Variants in SGK3 observed in about 807,000 individuals in gnomAD.
SGK3 encodes the protein serum/glucocorticoid regulated kinase family member 3, also known as serine/threonine-protein kinase Sgk3.
In SGK3, 47 loss-of-function variants were observed where a neutral mutation model predicts 68.5. The ratio of observed to expected loss-of-function variants is 0.69; its 90% confidence interval spans 0.54 to 0.87. The LOEUF is 0.87. Ranked by LOEUF, SGK3 falls within the 40% of genes least tolerant of loss-of-function variation. The probability of loss-of-function intolerance (pLI) is 0.00; values close to 1 mark genes in which losing one functional copy is unlikely to be tolerated. For missense variants in SGK3, 479 were observed against 575.5 expected, an observed-to-expected ratio of 0.83 and a Z score of 1.72; for synonymous variants, 181 against 189.1, an observed-to-expected ratio of 0.96 and a Z score of 0.35.
Position 66,828,691 on chromosome 8 carries a change from C to T in SGK3, c.455C>T (p.Ser152Phe). Residue 152 changes from serine (S) to phenylalanine (F), a missense_variant, in exon 7 of 17, where the codon TCT (serine) becomes TTT (phenylalanine). By Grantham distance (155) the Ser-to-Phe change is radical (BLOSUM62 -2). Coordinates refer to ENST00000521198, the MANE Select transcript of SGK3 (RefSeq NM_001033578.3). ...TCACAGAACATCAACCTGGGACCGT[C>T]TGGAAATCCTCAGTATGTTTAATTT... ...STSQNINLGP[S>F]GNPHAKPTDF... The T allele has an allele frequency of 6.2e-7, 1 of 1,613,934 alleles. No homozygotes were observed. Among genetic ancestry groups the T allele is most frequent in the Non-Finnish European group, 8.5e-7 (1 of 1,180,010 alleles).
chr8:66,832,371 T>C (rs1809338182), intron 8 of SGK3, among the ~76,000 whole-genome samples: 1 of 152,226 alleles, frequency 6.6e-6, no homozygotes, highest in Non-Finnish European at 1.5e-5. Flanking sequence ...TATTTTGCTA[T>C]ATTTGTAGCT....
In SGK3 at chr8:66,822,457, A is replaced by C. The variant is rs1326233832; in HGVS notation, c.415A>C (p.Lys139Gln). Residue 139 changes from lysine to glutamine, a missense_variant and splice_region_variant, in exon 6 of 17, where the codon AAG becomes CAG. By Grantham distance (53) the Lys-to-Gln change is moderately conservative. Coordinates refer to ENST00000521198, the MANE Select transcript of SGK3 (RefSeq NM_001033578.3). The stretch of plus-strand genomic sequence containing the variant: ...AGATGAGGATGAAAGAAGTTCTCAG[A>C]AGGTAGTAAGAGGAATTGCCTTTCT... ...SEDEDERSSQKLHSTSQNINL... is the reference protein window; with the variant it reads ...SEDEDERSSQQLHSTSQNINL... The C allele has an allele frequency of 1.2e-6, 2 of 1,611,308 alleles. No individual in the cohort carries two copies. The highest frequency in any genetic ancestry group is 3.4e-5 in the Admixed American group (2 of 59,650).
chr8:66,762,497 T>A (rs770948140), intron 1 of SGK3, among the ~76,000 whole-genome samples: 4 of 152,050 alleles, frequency 2.6e-5, no homozygotes, highest in Non-Finnish European at 5.9e-5. Context: ...AGCCTGGCGA[T>A]GGAGTGAGAC....
chr8:66,736,964 GA>G (rs1193360034), intron 1 of SGK3, among the ~76,000 whole-genome samples: 4 of 151,674 alleles, frequency 2.6e-5, no homozygotes, highest in Non-Finnish European at 5.9e-5. Context: ...ATTTAGTAGA[GA>G]AGAGGCCTTG....
intron 10 of SGK3, among the ~76,000 whole-genome samples, chr8:66,839,504 T>G (rs73693619): frequency 6.0e-4 from 6 of 9,942 alleles, no homozygotes; most frequent in South Asian, 3.1e-3. Context: ...TGGAGATATA[T>G]ATATATATAT....
rs78141116 is a variant in SGK3, at chr8:66,785,350, G to A, written c.-121-8266G>A. Among the ~76,000 whole-genome samples, 1,431 of 152,318 alleles carry A rather than the reference G, an allele frequency of 9.4e-3. 21 individuals carry two copies. The highest frequency in any genetic ancestry group is 0.032 in the African/African-American group (1,333 of 41,564). ...GGTTTCTTCTTCATCTGTAAAATGA[G>A]GATAATGATATTTACCTCAGAGGTT... On this transcript the variant is annotated intron_variant, in intron 1 of 16. Coordinates refer to ENST00000521198, the MANE Select transcript of SGK3 (RefSeq NM_001033578.3).
chr8:66,731,808 A>T (rs747092775), intron 1 of SGK3, among the ~76,000 whole-genome samples: 1 of 152,242 alleles, frequency 6.6e-6, no homozygotes, highest in Non-Finnish European at 1.5e-5. Flanking sequence ...TGCTGGGATT[A>T]CAGGCGTGAG....
intron 1 of SGK3, among the ~76,000 whole-genome samples, chr8:66,732,274 A>G (rs1039054010): frequency 6.6e-6 from 1 of 152,180 alleles, no homozygotes; most frequent in African/African-American, 2.4e-5. Flanking sequence ...TCCTCAACTA[A>G]AAATATTTGG....
intron 6 of SGK3, among the ~76,000 whole-genome samples, chr8:66,825,996 A>T (rs1300272798): frequency 2.7e-5 from 4 of 149,744 alleles, no homozygotes; most frequent in Admixed American, 6.6e-5. Flanking sequence ...TTTTTTTGAG[A>T]TGGAATCTCT....
chr8:66,751,352 G>A (rs1377509157), intron 1 of SGK3, among the ~76,000 whole-genome samples: 1 of 152,080 alleles, frequency 6.6e-6, no homozygotes, highest in African/African-American at 2.4e-5. Context: ...GGGCATTTCT[G>A]TACATATATT....
chr8:66,718,475 A>G (rs976428692), intron 1 of SGK3, among the ~76,000 whole-genome samples: 1 of 149,024 alleles, frequency 6.7e-6, no homozygotes, highest in African/African-American at 2.5e-5. Flanking sequence ...GTGTGTGTGT[A>G]TGACCAGTAT....
At chr8:66,762,204 C>G (rs568579999) in intron 1 of SGK3, among the ~76,000 whole-genome samples, 16 of 152,184 alleles carry the variant, frequency 1.1e-4, no homozygotes, top group African/African-American at 3.9e-4. Context: ...CCTGACCTCA[C>G]GTGATCCACC....
chr8:66,744,003 C>T (rs1344519968), intron 1 of SGK3, among the ~76,000 whole-genome samples: 1 of 152,184 alleles, frequency 6.6e-6, no homozygotes, highest in African/African-American at 2.4e-5. Context: ...CCTGGAAATG[C>T]TCTTTGCCTC....
In SGK3 at chr8:66,835,753, A is replaced by T. The variant is rs747623103; in HGVS notation, c.526-10A>T. ...TTCTAATAGTATACACTAATGTTTAACTATAACAGGTTCTTCTTGCAAAAC... is the reference window on the plus strand; with the variant it reads ...TTCTAATAGTATACACTAATGTTTATCTATAACAGGTTCTTCTTGCAAAAC... On this transcript the variant is annotated splice_polypyrimidine_tract_variant and intron_variant, in intron 8 of 16. Transcript: ENST00000521198. The T allele has an allele frequency of 6.2e-6, 10 of 1,609,124 alleles. No homozygotes were observed. Among genetic ancestry groups the T allele is most frequent in the Non-Finnish European group, 8.5e-6 (10 of 1,178,872 alleles).
Position 66,835,804 on chromosome 8 carries a change from T to C in SGK3, c.567T>C (p.Ala189=), listed in dbSNP as rs1259727507. ...AKRKLDGKFY[A]VKVLQKKIVL... ...GGAAACTGGATGGAAAATTTTATGC[T>C]GTCAAAGTGTTACAGAAAAAAATAG... The change falls in exon 9 of 17, where the codon GCT becomes GCC. Residue 189 remains alanine (A), a synonymous_variant. Transcript: ENST00000521198. 1.2e-6 allele frequency: 2 copies of C among 1,612,070 alleles called. No homozygotes were observed. Among genetic ancestry groups the C allele is most frequent in the African/African-American group, 1.3e-5 (1 of 74,856 alleles).
chr8:66,742,497 G>T (rs1463396471), intron 1 of SGK3, among the ~76,000 whole-genome samples: 1 of 151,978 alleles, frequency 6.6e-6, no homozygotes, highest in African/African-American at 2.4e-5. Context: ...CTCCTGAATA[G>T]CTGGGACTAC....
intron 1 of SGK3, among the ~76,000 whole-genome samples, chr8:66,752,274 G>C (rs1298315790): frequency 1.3e-5 from 2 of 152,116 alleles, no homozygotes; most frequent in East Asian, 3.9e-4. Flanking sequence ...TGTATGTGTA[G>C]TATGGTGACC....
In SGK3 at chr8:66,748,426, G is replaced by T. The variant is rs369724041; in HGVS notation, c.-122+35593G>T. 3.7e-4 allele frequency among the ~76,000 whole-genome samples: 57 copies of T among 152,290 alleles called. 1 individual carries two copies. In the South Asian group the frequency reaches 8.7e-3, roughly 23 times the overall value. ...AAATAATTTGTTTGCTAAGCTACTC[G>T]AGTTTTGGGTATTACCTAGGGGAAT... On this transcript the variant is annotated intron_variant, in intron 1 of 16. Coordinates refer to ENST00000521198, the MANE Select transcript of SGK3 (RefSeq NM_001033578.3).
At position 66,839,498 on chromosome 8, in the gene SGK3, G is replaced by T. The variant is rs867797006; in HGVS notation, c.742-505G>T. On this transcript the variant is annotated intron_variant, in intron 10 of 16. Coordinates refer to ENST00000521198, the MANE Select transcript of SGK3 (RefSeq NM_001033578.3). ...GGCTCAAGTAAATTATATGTATGGA[G>T]ATATATATATATATATATATATATA... 5.1e-4 allele frequency among the ~76,000 whole-genome samples: 21 copies of T among 41,564 alleles called. No individual in the cohort carries two copies. In the South Asian group the frequency reaches 5.6e-3, roughly 11 times the overall value. 27.3% of individuals were successfully genotyped at this position (41,564 alleles called of 152,430 possible).
Sources: allele counts gnomAD v4.1 joint callset (sites outside exome capture counted in the v4.1 genomes callset), GRCh38; gene constraint gnomAD v4.1.1; transcripts MANE v1.5; gene names NCBI Gene and HGNC (gene_info 2026-07-23, HGNC 2026-07-21).